Variants in DLGAP2 observed in about 807,000 individuals in gnomAD.
DLGAP2 encodes DLG associated protein 2.
Under a neutral mutation model 100.3 loss-of-function variants are expected in DLGAP2, and 26 were observed. The ratio of observed to expected loss-of-function variants is 0.26; its 90% CI spans 0.19 to 0.36. The LOEUF (loss-of-function observed/expected upper bound fraction) is 0.36. DLGAP2 is among the 10% of genes least tolerant of loss of function. The probability of loss-of-function intolerance (pLI) is 1.00; values close to 1 mark genes in which losing one functional copy is unlikely to be tolerated. For missense variants in DLGAP2, 1,858 were observed against 1,453.2 expected (o/e 1.28, Z -4.53); for synonymous variants, 886 against 630.1 (o/e 1.41, Z -6.08).
intron 3 of DLGAP2, chr8:1,302,539 G>A (rs1465062779): frequency 6.6e-6 from 1 of 151,630 alleles, no homozygotes; most frequent in African/African-American, 2.4e-5. Flanking sequence ...CCATACCCGG[G>A]ACTGGACTCA....
At chr8:811,141 T>C (rs1796362708) in intron 1 of DLGAP2, among the ~76,000 whole-genome samples, 1 of 152,224 alleles carries the variant, frequency 6.6e-6, no homozygotes, top group Non-Finnish European at 1.5e-5. Flanking sequence ...CTGGTGAAGC[T>C]CACTCCATTA....
intron 6 of DLGAP2, among the ~76,000 whole-genome samples, chr8:1,586,105 A>G (rs573830779): frequency 2.0e-4 from 30 of 152,382 alleles, no homozygotes; most frequent in African/African-American, 6.2e-4. Flanking sequence ...TCCTCAGCCA[A>G]GTCCTGCAGG....
intron 2 of DLGAP2, among the ~76,000 whole-genome samples, chr8:1,193,037 G>A (rs974764985): frequency 1.2e-4 from 18 of 152,222 alleles, no homozygotes; most frequent in Admixed American, 8.5e-4. Context: ...ATTCCATGGT[G>A]TATATGTGCC....
At chr8:1,216,828 G>A (rs1011162170) in intron 2 of DLGAP2, among the ~76,000 whole-genome samples, 8 of 152,158 alleles carry the variant, frequency 5.3e-5, no homozygotes, top group African/African-American at 1.9e-4. Flanking sequence ...ATCAGGGAAT[G>A]AGTTCTTTTC....
At chr8:1,056,549 C>T (rs560548720) in intron 2 of DLGAP2, among the ~76,000 whole-genome samples, 1 of 152,222 alleles carries the variant, frequency 6.6e-6, no homozygotes, top group Non-Finnish European at 1.5e-5. Context: ...CCTAAGCCAG[C>T]AGGACTCCAA....
At chr8:1,662,473 C>T (rs912370312) in intron 8 of DLGAP2, among the ~76,000 whole-genome samples, 6 of 152,140 alleles carry the variant, frequency 3.9e-5, no homozygotes, top group South Asian at 2.1e-4. Context: ...CTCTTGGACC[C>T]GTCTCTTAAA....
intron 3 of DLGAP2, among the ~76,000 whole-genome samples, chr8:1,386,229 C>T (rs1055543103): frequency 6.6e-6 from 1 of 152,090 alleles, no homozygotes; most frequent in African/African-American, 2.4e-5. Context: ...GGGAAATGAT[C>T]CAGGAAAAGG....
intron 2 of DLGAP2, among the ~76,000 whole-genome samples, chr8:1,207,138 A>T (rs554231546): frequency 6.6e-6 from 1 of 152,198 alleles, no homozygotes; most frequent in Non-Finnish European, 1.5e-5. Context: ...GTGTTTGGTT[A>T]TATGGATAAG....
chr8:1,517,096 G>A (rs1253210590), intron 4 of DLGAP2, among the ~76,000 whole-genome samples: 2 of 152,102 alleles, frequency 1.3e-5, no homozygotes, highest in African/African-American at 2.4e-5. Flanking sequence ...GCAGCCTCAA[G>A]GTCCAAGTCT....
chr8:1,640,667 G>T (rs1797875740), intron 8 of DLGAP2, among the ~76,000 whole-genome samples: 1 of 152,102 alleles, frequency 6.6e-6, no homozygotes, highest in African/African-American at 2.4e-5. Flanking sequence ...GGGTTCAGAG[G>T]CTTGTACCCG....
chr8:896,417 G>C (rs1374632302), intron 1 of DLGAP2, among the ~76,000 whole-genome samples: 1 of 151,930 alleles, frequency 6.6e-6, no homozygotes, highest in Admixed American at 6.6e-5. Flanking sequence ...ACACCAGGGC[G>C]GGGGGGCTGG....
intron 2 of DLGAP2, among the ~76,000 whole-genome samples, chr8:1,059,376 A>G (rs1489425307): frequency 6.6e-6 from 1 of 152,016 alleles, no homozygotes; most frequent in African/African-American, 2.4e-5. Context: ...TTAGGAACAC[A>G]GCTCTGGAGC....
At chr8:1,065,496 G>C (rs1354900923) in intron 2 of DLGAP2, among the ~76,000 whole-genome samples, 1 of 152,196 alleles carries the variant, frequency 6.6e-6, no homozygotes, top group African/African-American at 2.4e-5. Context: ...ACAACACGGA[G>C]CGTTTTGCTT....
intron 3 of DLGAP2, among the ~76,000 whole-genome samples, chr8:1,324,614 A>G (rs1800979183): frequency 6.6e-6 from 1 of 152,230 alleles, no homozygotes; most frequent in South Asian, 2.1e-4. Context: ...TTTGCAATGT[A>G]AGGACAAGTG....
intron 1 of DLGAP2, among the ~76,000 whole-genome samples, chr8:872,333 CT>C (rs1191019452): frequency 1.1e-3 from 114 of 100,158 alleles, no homozygotes; most frequent in Non-Finnish European, 1.7e-3. Context: ...CACTTCTTTT[CT>C]TTTTTTTTTT....
At chr8:1,088,604 G>C (rs767702758) in intron 2 of DLGAP2, among the ~76,000 whole-genome samples, 1 of 152,142 alleles carries the variant, frequency 6.6e-6, no homozygotes, top group African/African-American at 2.4e-5. Context: ...GTCTCCGAAA[G>C]GCAAACAGGC....
chr8:1,518,835 G>A (rs932232503), intron 4 of DLGAP2, among the ~76,000 whole-genome samples: 2 of 152,228 alleles, frequency 1.3e-5, no homozygotes, highest in African/African-American at 4.8e-5. Context: ...ATGATTGTAT[G>A]TGTGTGCACA....
chr8:968,020 G>A (rs1799923375), intron 2 of DLGAP2, among the ~76,000 whole-genome samples: 1 of 150,948 alleles, frequency 6.6e-6, no homozygotes, highest in Non-Finnish European at 1.5e-5. Context: ...TCACACACGT[G>A]CTCATTTGCC....
chr8:802,746 C>G (rs892119818), intron 1 of DLGAP2, among the ~76,000 whole-genome samples: 1 of 152,262 alleles, frequency 6.6e-6, no homozygotes, highest in East Asian at 1.9e-4. Flanking sequence ...GTCTCTCAGA[C>G]GGTCACACAC....
Sources: gnomAD v4.1 joint callset for allele counts (sites outside exome capture counted in the v4.1 genomes callset) on GRCh38, gnomAD v4.1.1 for gene constraint, MANE v1.5 for transcripts, NCBI Gene and HGNC (gene_info 2026-07-23, HGNC 2026-07-21) for gene names.